JMJD1C: variants seen among roughly 807,000 people sequenced by gnomAD.
JMJD1C encodes the protein jumonji domain-containing protein 1C.
Under a neutral mutation model 245.3 loss-of-function variants are expected in JMJD1C, and 31 were observed. That is an observed-to-expected ratio of 0.13 (90% CI 0.09 to 0.17). The LOEUF (loss-of-function observed/expected upper bound fraction) is 0.17. Among genes scored for constraint, JMJD1C ranks in the 10% least tolerant of loss-of-function variants. JMJD1C has a pLI of 1.00. For synonymous variants in JMJD1C, 1,057 were observed against 1,017.4 expected, an observed-to-expected ratio of 1.04 and a Z score of -0.74; for missense variants, 2,691 against 3,000.2, an observed-to-expected ratio of 0.90 and a Z score of 2.41.
intron 2 of JMJD1C, among the ~76,000 whole-genome samples, chr10:63,325,132 T>G (rs757559251): frequency 4.6e-5 from 7 of 152,216 alleles, no homozygotes; most frequent in Non-Finnish European, 7.3e-5. Context: ...TACTGATATA[T>G]AAACCAGAAT....
At chr10:63,239,151 C>T (rs1215434991) in intron 3 of JMJD1C, among the ~76,000 whole-genome samples, 1 of 152,044 alleles carries the variant, frequency 6.6e-6, no homozygotes, top group Non-Finnish European at 1.5e-5. Flanking sequence ...AATAAGAGAT[C>T]AGAAAAGAAG....
intron 1 of JMJD1C, among the ~76,000 whole-genome samples, chr10:63,516,559 TA>T (rs1248579250): frequency 1.3e-5 from 2 of 152,222 alleles, no homozygotes; most frequent in African/African-American, 4.8e-5. Context: ...TCAATTATCT[TA>T]AACTAGATGT....
At chr10:63,380,265 T>C in intron 2 of JMJD1C, 53 bp downstream of exon 2, 7 of 1,581,704 alleles carry the variant, frequency 4.4e-6, no homozygotes, top group Non-Finnish European at 5.2e-6. Context: ...GTTGTTGTTC[T>C]TTGTTTTAAA....
chr10:63,323,843 T>C (rs1941207634), intron 2 of JMJD1C, among the ~76,000 whole-genome samples: 2 of 152,150 alleles, frequency 1.3e-5, no homozygotes, highest in South Asian at 4.1e-4. Context: ...TATACATATA[T>C]ATATATAGGC....
At chr10:63,203,014 T>C (rs1846195113) in intron 10 of JMJD1C, 2 of 985,064 alleles carry the variant, frequency 2.0e-6, no homozygotes, top group Non-Finnish European at 2.4e-6. Flanking sequence ...CAGATAGTAC[T>C]ATAGTAAAGA....
chr10:63,424,497 C>CTTTTTTTTTTTTTTTT (rs59823871), intron 1 of JMJD1C, among the ~76,000 whole-genome samples: 8 of 103,356 alleles, frequency 7.7e-5, no homozygotes, highest in Non-Finnish European at 1.1e-4. Context: ...ATTATTATTT[C>CTTTTTTTTTTTTTTTT]TTTTTTTTTT....
intron 2 of JMJD1C, among the ~76,000 whole-genome samples, chr10:63,342,677 A>G (rs1287179295): frequency 6.6e-6 from 1 of 152,232 alleles, no homozygotes; most frequent in African/African-American, 2.4e-5. Context: ...TCTTCACTGT[A>G]CTAATGATAT....
chr10:63,464,715 A>C (rs1399423445), intron 1 of JMJD1C, among the ~76,000 whole-genome samples: 1 of 152,140 alleles, frequency 6.6e-6, no homozygotes, highest in African/African-American at 2.4e-5. Flanking sequence ...AAAAAAAGAT[A>C]ATCAATTCTG....
intron 1 of JMJD1C, among the ~76,000 whole-genome samples, chr10:63,515,494 T>A (rs1954989792): frequency 6.6e-6 from 1 of 152,198 alleles, no homozygotes; most frequent in African/African-American, 2.4e-5. Context: ...CTCAGACTTG[T>A]CCACACTGAG....
chr10:63,279,308 T>A (rs549656270), intron 2 of JMJD1C, among the ~76,000 whole-genome samples: 1 of 152,264 alleles, frequency 6.6e-6, no homozygotes, highest in East Asian at 1.9e-4. Context: ...ATAAAAACAA[T>A]CATGACCTAG....
intron 2 of JMJD1C, among the ~76,000 whole-genome samples, chr10:63,338,349 C>T (rs1025264335): frequency 1.8e-4 from 28 of 152,198 alleles, no homozygotes; most frequent in Middle Eastern, 3.4e-3. Flanking sequence ...GCCCAGGTTG[C>T]TCTTGAACTC....
intron 1 of JMJD1C, among the ~76,000 whole-genome samples, chr10:63,485,273 G>A (rs1449282064): frequency 2.0e-5 from 3 of 152,090 alleles, no homozygotes; most frequent in Non-Finnish European, 4.4e-5. Context: ...ACAGATGAGA[G>A]TATCTATGGC....
At chr10:63,500,745 A>ATGG (rs1206008649) in intron 1 of JMJD1C, among the ~76,000 whole-genome samples, 1,606 of 147,208 alleles carry the variant, frequency 0.011, 23 homozygotes, top group African/African-American at 0.039. Flanking sequence ...GGATGGATGG[A>ATGG]AGGATGGATG....
intron 24 of JMJD1C, among the ~76,000 whole-genome samples, chr10:63,171,833 G>A (rs1031318440): frequency 1.2e-4 from 19 of 152,192 alleles, no homozygotes; most frequent in African/African-American, 4.6e-4. Context: ...TACTGGAAGT[G>A]TTGAAGTCAT....
At chr10:63,426,358 TA>T (rs952969704) in intron 1 of JMJD1C, among the ~76,000 whole-genome samples, 5 of 149,346 alleles carry the variant, frequency 3.3e-5, no homozygotes, top group African/African-American at 1.2e-4. Flanking sequence ...CCCTATCTAT[TA>T]AAAAAAAAAT....
At chr10:63,487,807 T>C (rs186179931) in intron 1 of JMJD1C, among the ~76,000 whole-genome samples, 40 of 152,360 alleles carry the variant, frequency 2.6e-4, no homozygotes, top group African/African-American at 9.1e-4. Flanking sequence ...GGGAATAATG[T>C]GATAGACTTT....
At chr10:63,457,656 G>A (rs1276473245) in intron 1 of JMJD1C, among the ~76,000 whole-genome samples, 1 of 152,116 alleles carries the variant, frequency 6.6e-6, no homozygotes, top group Non-Finnish European at 1.5e-5. Context: ...TAGAAATGAA[G>A]AAAGAGAAAG....
chr10:63,382,444 GA>G (rs377279404), intron 1 of JMJD1C, among the ~76,000 whole-genome samples: 56 of 151,900 alleles, frequency 3.7e-4, no homozygotes, highest in African/African-American at 1.2e-3. Context: ...CAGAATAAAG[GA>G]AAAAAATCAT....
chr10:63,465,603 G>A lies in JMJD1C; in HGVS notation c.60C>T (p.Gly20=). Reference sequence around the variant, plus strand: ...CCCAGCGCTCCGAACGTGCCTCGTCGCCGACCGCCACACACAGGAACCGCT... The same window carrying A: ...CCCAGCGCTCCGAACGTGCCTCGTCACCGACCGCCACACACAGGAACCGCT... The part of the protein sequence containing the change: ...VGKRFLCVAV[G]DEARSERWES... The change falls in exon 1 of 26, where the codon GGC becomes GGT. Residue 20 remains glycine (G), a synonymous_variant. Transcript: ENST00000399262. 1 of 1,609,516 alleles carries A rather than the reference G, an allele frequency of 6.2e-7. No homozygotes were observed. Among genetic ancestry groups the A allele is most frequent in the East Asian group, 2.2e-5 (1 of 44,836 alleles).
Sources: gnomAD v4.1 joint callset for allele counts (sites outside exome capture counted in the v4.1 genomes callset) on GRCh38, gnomAD v4.1.1 for gene constraint, MANE v1.5 for transcripts, NCBI Gene and HGNC (gene_info 2026-07-23, HGNC 2026-07-21) for gene names.